ANKRD17: variants seen among roughly 807,000 people sequenced by gnomAD.
The protein encoded by ANKRD17 is ankyrin repeat domain 17.
In ANKRD17, 19 loss-of-function variants were observed where a neutral mutation model predicts 229.7. That is an observed-to-expected ratio of 0.08 (90% CI 0.06 to 0.12). ANKRD17 has a LOEUF of 0.12. ANKRD17 is among the 10% of genes least tolerant of loss of function. The probability of loss-of-function intolerance (pLI) is 1.00; values close to 1 mark genes in which losing one functional copy is unlikely to be tolerated. For synonymous variants in ANKRD17, 1,112 were observed against 1,146.1 expected (o/e 0.97, Z 0.60); for missense variants, 2,176 against 3,176.8 (o/e 0.68, Z 7.57).
chr4:73,088,174 C>A (rs1722398704), intron 29 of ANKRD17, among the ~76,000 whole-genome samples: 1 of 151,792 alleles, frequency 6.6e-6, no homozygotes, highest in African/African-American at 2.4e-5. Context: ...TACAAATAAT[C>A]AAATTATTTA....
At chr4:73,093,682 C>G (rs1723014342) in intron 28 of ANKRD17, among the ~76,000 whole-genome samples, 1 of 152,072 alleles carries the variant, frequency 6.6e-6, no homozygotes, top group Non-Finnish European at 1.5e-5. Flanking sequence ...CCCAAGAACT[C>G]AAATTCTAAA....
Position 73,214,389 on chromosome 4 carries a change from G to A in ANKRD17, c.394-36856C>T, listed in dbSNP as rs559535490. 6.6e-5 allele frequency among the ~76,000 whole-genome samples: 10 copies of A among 152,326 alleles called. No homozygotes were observed. The East Asian group carries it at 1.5e-3, about 24-fold the overall frequency. On this transcript the variant is annotated intron_variant, in intron 1 of 33. Transcript: ENST00000358602. The stretch of plus-strand genomic sequence containing the variant: ...CTGGGCAATATACTGTAAAACAGCA[G>A]TTGTGCAAGTGTGGTCCATGGGATC...
chr4:73,120,456 A>T (rs1578110109), intron 20 of ANKRD17, 119 bp from the exon 21 acceptor site: 4 of 906,164 alleles, frequency 4.4e-6, no homozygotes, highest in South Asian at 3.5e-5. Flanking sequence ...TTCACAACTA[A>T]ATTTAATCAC....
intron 16 of ANKRD17, among the ~76,000 whole-genome samples, chr4:73,131,479 A>G (rs1489128417): frequency 6.6e-6 from 1 of 152,160 alleles, no homozygotes; most frequent in African/African-American, 2.4e-5. Context: ...TTATATTTTG[A>G]TGTTAAGTAT....
intron 22 of ANKRD17, among the ~76,000 whole-genome samples, chr4:73,118,130 T>C (rs1726215057): frequency 6.6e-6 from 1 of 151,976 alleles, no homozygotes; most frequent in African/African-American, 2.4e-5. Context: ...CATCCTCCTA[T>C]CTCAGCCTCC....
intron 1 of ANKRD17, among the ~76,000 whole-genome samples, chr4:73,207,890 G>C (rs895839401): frequency 6.6e-5 from 10 of 151,970 alleles, no homozygotes; most frequent in African/African-American, 2.2e-4. Context: ...ATCAGTAAGG[G>C]TATTAAAAAA....
At chr4:73,189,401 A>AT (rs1188974232) in intron 1 of ANKRD17, among the ~76,000 whole-genome samples, 143 of 73,592 alleles carry the variant, frequency 1.9e-3, no homozygotes, top group African/African-American at 6.9e-3. Flanking sequence ...TCTGCCTGGA[A>AT]TGTTTTTTTT....
At position 73,076,265 on chromosome 4, in the gene ANKRD17, T is replaced by G; in HGVS notation, c.7778A>C (p.His2593Pro). ...CTGGTTCATATGCACACTGTTCATG[T>G]GAGGTGCCCAGGGTCCAGTCCACAC... ...QTVWTGPWAP[H>P]MNSVHMNQLG The change falls in exon 34 of 34, where the codon CAC (histidine) becomes CCC (proline). Residue 2593 changes from histidine (H) to proline (P), a missense_variant. Transcript: ENST00000358602. The G allele has an allele frequency of 1.2e-6, 2 of 1,611,768 alleles. No homozygotes were observed. Among genetic ancestry groups the G allele is most frequent in the Non-Finnish European group, 8.5e-7 (1 of 1,178,890 alleles).
In ANKRD17 at chr4:73,090,928, C is replaced by T; in HGVS notation, c.6700G>A (p.Val2234Ile). The T allele has an allele frequency of 6.2e-7, 1 of 1,614,226 alleles. No individual in the cohort carries two copies. Among genetic ancestry groups the T allele is most frequent in the Non-Finnish European group, 8.5e-7 (1 of 1,180,050 alleles). Residue 2234 changes from valine (V) to isoleucine (I), a missense_variant, in exon 29 of 34, where the codon GTA becomes ATA. Coordinates refer to ENST00000358602, the MANE Select transcript of ANKRD17 (RefSeq NM_032217.5). ...GCAATAGGCTTATTTGCTGGATGTA[C>T]TGAATTCTGACAAGCACTTTGTGTA... ...LSTQSACQNS[V>I]HPANKPIAPN...
At chr4:73,140,571 A>G (rs1388631782) in intron 14 of ANKRD17, among the ~76,000 whole-genome samples, 1 of 152,214 alleles carries the variant, frequency 6.6e-6, no homozygotes, top group Non-Finnish European at 1.5e-5. Flanking sequence ...TAAGTGTGCA[A>G]TTAAAGTAAC....
Position 73,258,775 on chromosome 4 carries a change from G to T in ANKRD17, c.-107C>A, listed in dbSNP as rs1159402732. ...CACAGCAATCGGTGCCGCCTCCGCCGCCACCGCCTCGGTCACCTCTACTGC... is the reference window on the plus strand; with the variant it reads ...CACAGCAATCGGTGCCGCCTCCGCCTCCACCGCCTCGGTCACCTCTACTGC... On this transcript the variant is annotated 5_prime_UTR_variant, in exon 1 of 34. Transcript: ENST00000358602. 8.0e-7 allele frequency: 1 copy of T among 1,247,950 alleles called. No homozygotes were observed. Among genetic ancestry groups the T allele is most frequent in the East Asian group, 4.2e-5 (1 of 23,554 alleles). The allele number at this position is 1,247,950 out of a possible 1,614,324, so 77.3% of individuals were successfully genotyped here. A position where few individuals can be genotyped will look rare whatever the true frequency, so the allele number is the denominator to read the frequency against.
At chr4:73,149,345 T>C (rs1490702097) in intron 7 of ANKRD17, among the ~76,000 whole-genome samples, 1 of 152,124 alleles carries the variant, frequency 6.6e-6, no homozygotes, top group African/African-American at 2.4e-5. Flanking sequence ...TAAGAGACTA[T>C]AGTGAGACAT....
intron 1 of ANKRD17, among the ~76,000 whole-genome samples, chr4:73,189,403 G>GTGTTTTTTT (rs1553932825): frequency 2.7e-5 from 3 of 112,696 alleles, no homozygotes; most frequent in African/African-American, 1.1e-4. Flanking sequence ...TGCCTGGAAT[G>GTGTTTTTTT]TTTTTTTTTT....
chr4:73,148,767 T>C (rs369884768), intron 8 of ANKRD17, 46 bp downstream of exon 8: 67 of 1,529,416 alleles, frequency 4.4e-5, no homozygotes, highest in African/African-American at 8.2e-5. Context: ...ATTATACTCT[T>C]AGGTTTTACA....
At chr4:73,177,597 G>A (rs1734903654) in intron 1 of ANKRD17, 64 bp from the exon 2 acceptor site, 1 of 1,308,766 alleles carries the variant, frequency 7.6e-7, no homozygotes, top group Non-Finnish European at 1.1e-6. Context: ...AAAGAGGGGA[G>A]AGAAATAAAA....
chr4:73,248,658 T>A (rs1744716551), intron 1 of ANKRD17, among the ~76,000 whole-genome samples: 1 of 151,982 alleles, frequency 6.6e-6, no homozygotes, highest in Non-Finnish European at 1.5e-5. Context: ...AAAACTGAAT[T>A]CTATCATTGT....
chr4:73,101,511 A>G (rs1176431869), intron 25 of ANKRD17, among the ~76,000 whole-genome samples: 1 of 152,006 alleles, frequency 6.6e-6, no homozygotes. Context: ...CTAAAAATAC[A>G]AAAATTAGGG....
At chr4:73,085,503 T>C (rs2110122503) in intron 29 of ANKRD17, 57 bp from the exon 30 acceptor site, 1 of 1,439,058 alleles carries the variant, frequency 6.9e-7, no homozygotes, top group South Asian at 1.2e-5. Flanking sequence ...GAAATAGAGA[T>C]ACCTTAAAAT....
chr4:73,082,199 C>T (rs984153467), intron 30 of ANKRD17, among the ~76,000 whole-genome samples: 6 of 149,288 alleles, frequency 4.0e-5, no homozygotes, highest in African/African-American at 1.5e-4. Context: ...TGGTGGCTCA[C>T]ATCTGTAATC....
Sources: gnomAD v4.1 joint callset for allele counts (sites outside exome capture counted in the v4.1 genomes callset) on GRCh38, gnomAD v4.1.1 for gene constraint, MANE v1.5 for transcripts, NCBI Gene and HGNC (gene_info 2026-07-23, HGNC 2026-07-21) for gene names.